Variants in CASP8 observed in about 807,000 individuals in gnomAD.
CASP8 encodes caspase-8.
In CASP8, 24 loss-of-function variants were observed where a neutral mutation model predicts 46.3. That is an observed-to-expected ratio of 0.52 (90% CI 0.38 to 0.73). The LOEUF (loss-of-function observed/expected upper bound fraction) is 0.73, where lower values mean the gene tolerates loss of function less well. Among genes scored for constraint, CASP8 ranks in the 30% least tolerant of loss-of-function variants. CASP8 has a pLI of 0.00. For synonymous variants in CASP8, 188 were observed against 200.4 expected, an observed-to-expected ratio of 0.94 and a Z score of 0.52; for missense variants, 460 against 559.0, an observed-to-expected ratio of 0.82 and a Z score of 1.79.
At chr2:201,258,520 C>G (rs1276837012), upstream of CASP8, 1 of 976,874 alleles carries the variant, frequency 1.0e-6, no homozygotes, top group Non-Finnish European at 1.6e-6. Context: ...TGGGTGCTGC[C>G]TGGCCCAGGT....
Position 201,286,692 on chromosome 2 carries a change from C to G in CASP8, c.*98C>G. ...GTGCAGTGGCGTGATCTCGGCTCAC[C>G]GCAAGCTCCGCCTCCCGGGTTCAGG... On this transcript the variant is annotated 3_prime_UTR_variant, in exon 9 of 9. Transcript: ENST00000673742. The G allele has an allele frequency of 2.9e-6, 3 of 1,033,120 alleles. No individual in the cohort carries two copies. The highest frequency in any genetic ancestry group is 4.3e-6 in the Non-Finnish European group (3 of 692,414). 64.0% of individuals were successfully genotyped at this position (1,033,120 alleles called of 1,614,324 possible).
chr2:201,271,708 T>G, intron 3 of CASP8, 87 bp downstream of exon 3: 2 of 817,186 alleles, frequency 2.4e-6, no homozygotes, highest in Non-Finnish European at 4.3e-6. Flanking sequence ...GGTATTTTGG[T>G]AAAAGCAACC....
At chr2:201,244,786 CCTAT>C (rs1322188229) in intron 2 of CASP8, among the ~76,000 whole-genome samples, 1 of 152,146 alleles carries the variant, frequency 6.6e-6, no homozygotes, top group African/African-American at 2.4e-5. Context: ...TAATCTCTCA[CCTAT>C]CTGAGTCTTT....
At chr2:201,252,121 A>T (rs58876215) in intron 2 of CASP8, among the ~76,000 whole-genome samples, 27,191 of 152,110 alleles carry the variant, frequency 0.18, 3,189 homozygotes, top group South Asian at 0.34. Context: ...TATGATGTTG[A>T]ACATCTTTTC....
Position 201,266,660 on chromosome 2 carries a change from T to A in CASP8, c.174T>A (p.Asn58Lys). 6.2e-7 allele frequency: 1 copy of A among 1,614,002 alleles called. No individual in the cohort carries two copies. The highest frequency in any genetic ancestry group is 8.5e-7 in the Non-Finnish European group (1 of 1,179,924). ...LQEKRMLEESNLSFLKELLFR... is the reference protein window; with the variant it reads ...LQEKRMLEESKLSFLKELLFR... The stretch of plus-strand genomic sequence containing the variant: ...AAAAGAGAATGTTGGAGGAAAGCAA[T>A]CTGTCCTTCCTGAAGGAGCTGCTCT... The change falls in exon 2 of 9, where the codon AAT becomes AAA. Residue 58 changes from asparagine (N) to lysine (K), a missense_variant. Asn to Lys is a moderately conservative substitution (Grantham distance 94). Coordinates refer to ENST00000673742, the MANE Select transcript of CASP8 (RefSeq NM_001372051.1). This position sits in a 1 kb window ranked among gnomAD's most constrained non-coding sequence, Gnocchi z 5.7.
chr2:201,242,486 C>T (rs531089863), intron 2 of CASP8: 1 of 152,262 alleles, frequency 6.6e-6, no homozygotes, highest in East Asian at 1.9e-4. Context: ...GCACTAGTCC[C>T]ATTCATAAGT....
intron 2 of CASP8, among the ~76,000 whole-genome samples, chr2:201,246,162 C>T (rs1946510990): frequency 6.6e-6 from 1 of 152,164 alleles, no homozygotes; most frequent in Admixed American, 6.5e-5. Context: ...CTGGGCCCAG[C>T]CATTTGTTCT....
At chr2:201,258,401 G>A (rs745500219), upstream of CASP8, 31 of 1,613,890 alleles carry the variant, frequency 1.9e-5, 1 homozygote, top group Middle Eastern at 3.3e-4. Flanking sequence ...CTGTTGCCAA[G>A]GTGGCCTCTT....
intron 2 of CASP8, among the ~76,000 whole-genome samples, chr2:201,235,732 A>G (rs1046901432): frequency 1.3e-5 from 2 of 152,254 alleles, no homozygotes; most frequent in African/African-American, 2.4e-5. Flanking sequence ...TGACAGTCAT[A>G]TAGACACACT....
chr2:201,234,564 C>G (rs1945965017), intron 2 of CASP8, among the ~76,000 whole-genome samples: 1 of 151,846 alleles, frequency 6.6e-6, no homozygotes, highest in African/African-American at 2.4e-5. Flanking sequence ...ATTCTCGTGT[C>G]TCAGCCTCCT....
chr2:201,236,752 C>T (rs1375498105), intron 2 of CASP8, among the ~76,000 whole-genome samples: 1 of 151,938 alleles, frequency 6.6e-6, no homozygotes, highest in Non-Finnish European at 1.5e-5. Context: ...AATATAGGTG[C>T]GCACCACCGC....
intron 2 of CASP8, among the ~76,000 whole-genome samples, chr2:201,238,442 CTTTCTTTTTTT>C (rs1021484750): frequency 6.7e-6 from 1 of 150,138 alleles, no homozygotes; most frequent in African/African-American, 2.4e-5. Flanking sequence ...TTTCTTTTTT[CTTTCTTTTTTT>C]TTTCTTGAGA....
intron 7 of CASP8, 33 bp from the exon 8 acceptor site, chr2:201,284,783 G>A (rs773721010): frequency 1.3e-5 from 21 of 1,593,376 alleles, no homozygotes; most frequent in Non-Finnish European, 1.6e-5. Flanking sequence ...AATTACTGTG[G>A]TATAACGTGA....
upstream of CASP8, among the ~76,000 whole-genome samples, chr2:201,255,939 G>A (rs1169101828): frequency 6.6e-6 from 1 of 152,064 alleles, no homozygotes; most frequent in Non-Finnish European, 1.5e-5. Flanking sequence ...AAAATTTTCT[G>A]CAGAGACAGT....
intron 7 of CASP8, chr2:201,277,889 T>C (rs1306646983): frequency 2.4e-5 from 6 of 253,338 alleles, no homozygotes; most frequent in East Asian, 1.6e-4. Flanking sequence ...TTAGTAGAGA[T>C]GGGGTTTTGC....
upstream of CASP8, chr2:201,258,251 C>G (rs762986379): frequency 1.1e-5 from 18 of 1,606,874 alleles, no homozygotes. Flanking sequence ...GGCAGAAGAG[C>G]CAGGGTGGTT....
rs556031997 is a variant in CASP8, at chr2:201,272,491, G to C, written c.412-147G>C. 10 of 831,578 alleles carry C rather than the reference G, an allele frequency of 1.2e-5. No homozygotes were observed. Among genetic ancestry groups the C allele is most frequent in the Non-Finnish European group, 2.0e-5 (10 of 511,488 alleles). The allele number at this position is 831,578 out of a possible 1,614,324, so 51.5% of individuals were successfully genotyped here. A position where few individuals can be genotyped will look rare whatever the true frequency, so the allele number is the denominator to read the frequency against. ...GAATCGCTTCCCTAGTAGCCTGCTG[G>C]CTGTGAGAGACCAGCAGAAACTGTC... On this transcript the variant is annotated intron_variant, in intron 3 of 8. Transcript: ENST00000673742. The surrounding 1 kb of genome is among the most constrained non-coding windows in gnomAD (Gnocchi z 4.4).
chr2:201,276,773 T>C (rs1392523211), intron 6 of CASP8, 54 bp from the exon 7 acceptor site: 2 of 1,612,172 alleles, frequency 1.2e-6, no homozygotes, highest in African/African-American at 2.7e-5. Context: ...TTTGTTTACA[T>C]CTCTAGTGTT....
In CASP8 at chr2:201,266,471, C is replaced by G. The variant is rs537695516; in HGVS notation, c.-16C>G. On this transcript the variant is annotated 5_prime_UTR_variant, in exon 2 of 9. Coordinates refer to ENST00000673742, the MANE Select transcript of CASP8 (RefSeq NM_001372051.1). This position sits in a 1 kb window ranked among gnomAD's most constrained non-coding sequence, Gnocchi z 5.7. ...TTTATTTTGACTTAGATTATATTCT[C>G]CTGCCTTTTAAAAAGATGGACTTCA... 10 of 1,611,474 alleles carry G rather than the reference C, an allele frequency of 6.2e-6. No individual in the cohort carries two copies. The South Asian group carries it at 7.7e-5, about 12-fold the overall frequency.
Sources: allele counts gnomAD v4.1 joint callset (sites outside exome capture counted in the v4.1 genomes callset), GRCh38; gene constraint gnomAD v4.1.1; non-coding constraint Gnocchi (gnomAD v3.1); transcripts MANE v1.5; gene names NCBI Gene and HGNC (gene_info 2026-07-23, HGNC 2026-07-21).